GLG1: variants seen among roughly 807,000 people sequenced by gnomAD.
The protein encoded by GLG1 is golgi glycoprotein 1.
A neutral mutation model predicts 160.5 loss-of-function variants in GLG1; 38 were observed. The observed-to-expected ratio is 0.24, with a 90% CI of 0.18 to 0.31. GLG1 has a LOEUF of 0.31. GLG1 is among the 10% of genes least tolerant of loss of function. GLG1 has a pLI of 1.00. For synonymous variants in GLG1, 644 were observed against 543.4 expected (o/e 1.19, Z -2.57); for missense variants, 1,373 against 1,505.2 (o/e 0.91, Z 1.45).
At chr16:74,599,583 G>A (rs1006527153) in intron 1 of GLG1, among the ~76,000 whole-genome samples, 6 of 152,272 alleles carry the variant, frequency 3.9e-5, no homozygotes, top group Non-Finnish European at 1.5e-5. Context: ...GCCAAGCCTC[G>A]GCCGGACACA....
chr16:74,458,850 A>C (rs2014665865), intron 23 of GLG1, among the ~76,000 whole-genome samples: 1 of 152,236 alleles, frequency 6.6e-6, no homozygotes, highest in South Asian at 2.1e-4. Context: ...GAATATCAAC[A>C]TGATGGAACT....
intron 1 of GLG1, among the ~76,000 whole-genome samples, chr16:74,582,676 G>A (rs916911504): frequency 7.2e-5 from 11 of 151,832 alleles, no homozygotes; most frequent in East Asian, 2.0e-4. Flanking sequence ...AAAATTAGCC[G>A]GGCGTGGTGG....
At position 74,581,623 on chromosome 16, in the gene GLG1, TC is replaced by T. The variant is rs564508444; in HGVS notation, c.438+25033del. 1.9e-4 allele frequency among the ~76,000 whole-genome samples: 28 copies of T among 149,776 alleles called. No individual in the cohort carries two copies. In the South Asian group the frequency reaches 5.9e-3, roughly 32 times the overall value. ...TGAGACTATCTAAAAGGGAGGACAC[TC>T]CTGTTAACAAAGATCTTTCAAGATT... On this transcript the variant is annotated intron_variant, in intron 1 of 25. Coordinates refer to ENST00000422840, the MANE Select transcript of GLG1 (RefSeq NM_001145667.2).
intron 25 of GLG1, among the ~76,000 whole-genome samples, chr16:74,455,641 C>T (rs2014507970): frequency 6.6e-6 from 1 of 152,144 alleles, no homozygotes; most frequent in Admixed American, 6.6e-5. Context: ...TTACCCTTGA[C>T]TTGGAAGTAA....
At position 74,523,571 on chromosome 16, in the gene GLG1, C is replaced by A. The variant is rs185981215; in HGVS notation, c.471+8550G>T. Reference sequence around the variant, plus strand: ...CAAGTCTTCCAACTCATGAGCACAACTGCTCATTTATTTATTTAAAGGCCT... The same window carrying A: ...CAAGTCTTCCAACTCATGAGCACAAATGCTCATTTATTTATTTAAAGGCCT... On this transcript the variant is annotated intron_variant, in intron 2 of 25. Coordinates refer to ENST00000422840, the MANE Select transcript of GLG1 (RefSeq NM_001145667.2). Among the ~76,000 whole-genome samples, 8 of 152,228 alleles carry A rather than the reference C, an allele frequency of 5.3e-5. No homozygotes were observed. The East Asian group carries it at 1.5e-3, about 29-fold the overall frequency.
At chr16:74,508,728 A>G (rs997414094) in intron 3 of GLG1, 111 bp downstream of exon 3, 38 of 614,412 alleles carry the variant, frequency 6.2e-5, no homozygotes, top group Non-Finnish European at 1.0e-4. Flanking sequence ...ACCAAGACAG[A>G]TGTGAATTCT....
intron 1 of GLG1, among the ~76,000 whole-genome samples, chr16:74,554,309 G>A (rs1267679104): frequency 2.0e-5 from 3 of 152,172 alleles, no homozygotes; most frequent in Admixed American, 6.5e-5. Flanking sequence ...CGAGGCGGAC[G>A]GATCACTTGA....
At position 74,471,269 on chromosome 16, in the gene GLG1, C is replaced by G. The variant is rs1316720757; in HGVS notation, c.2133G>C (p.Gln711His). The G allele has an allele frequency of 1.3e-6, 2 of 1,590,930 alleles. No homozygotes were observed. The highest frequency in any genetic ancestry group is 1.1e-5 in the South Asian group (1 of 90,558). ...ACTCCATCAGGTCCCCAGAGTCTATCTGGTTATCTGCCACATCCTGGGGAA... is the reference window on the plus strand; with the variant it reads ...ACTCCATCAGGTCCCCAGAGTCTATGTGGTTATCTGCCACATCCTGGGGAA... ...QNFCHDVADN[Q>H]IDSGDLMECL... The change falls in exon 15 of 26, where the codon CAG becomes CAC. Residue 711 changes from glutamine (Q) to histidine (H), a missense_variant. This residue lies in a region of GLG1 where 491 missense variants were observed against 632.1 expected (regional missense o/e 0.78). Coordinates refer to ENST00000422840, the MANE Select transcript of GLG1 (RefSeq NM_001145667.2).
At chr16:74,567,295 A>C (rs1013733620) in intron 1 of GLG1, among the ~76,000 whole-genome samples, 12 of 152,064 alleles carry the variant, frequency 7.9e-5, no homozygotes, top group African/African-American at 2.7e-4. Context: ...GTTAAGTTCA[A>C]TTACCAATGT....
intron 2 of GLG1, among the ~76,000 whole-genome samples, chr16:74,530,992 T>G (rs2017514012): frequency 6.6e-6 from 1 of 152,258 alleles, no homozygotes; most frequent in Non-Finnish European, 1.5e-5. Flanking sequence ...GTCCTTTTCA[T>G]CTGCATTGTG....
intron 2 of GLG1, among the ~76,000 whole-genome samples, chr16:74,527,962 G>A (rs1326026135): frequency 6.8e-6 from 1 of 147,024 alleles, no homozygotes; most frequent in South Asian, 2.2e-4. Flanking sequence ...TCGGCTCACT[G>A]CCAGCTCCAC....
chr16:74,510,813 T>C (rs1264352154), intron 2 of GLG1, among the ~76,000 whole-genome samples: 1 of 152,010 alleles, frequency 6.6e-6, no homozygotes, highest in Non-Finnish European at 1.5e-5. Context: ...GCAGGGAGTA[T>C]GATCAAGTAA....
At chr16:74,560,207 C>G (rs1392641024) in intron 1 of GLG1, among the ~76,000 whole-genome samples, 1 of 152,080 alleles carries the variant, frequency 6.6e-6, no homozygotes, top group African/African-American at 2.4e-5. Context: ...TGGGTGGGTC[C>G]CATTCCATCA....
At chr16:74,460,000 C>A (rs890973736) in intron 22 of GLG1, among the ~76,000 whole-genome samples, 6 of 149,424 alleles carry the variant, frequency 4.0e-5, no homozygotes, top group African/African-American at 1.5e-4. Flanking sequence ...GGACTACAGG[C>A]GCGTGCTACC....
chr16:74,453,807 T>C (rs184307388), intron 25 of GLG1, among the ~76,000 whole-genome samples: 32 of 152,368 alleles, frequency 2.1e-4, no homozygotes, highest in African/African-American at 5.8e-4. Flanking sequence ...TAAATGCGTT[T>C]GCTGCCTTTC....
At position 74,494,298 on chromosome 16, in the gene GLG1, T is replaced by C. The variant is rs933192861; in HGVS notation, c.1050+462A>G. ...TCATTTTCTTGGTTTCAGCCAAATA[T>C]GCTTAAAACCCAAGTACCTCACCTC... On this transcript the variant is annotated intron_variant, in intron 6 of 25. Transcript: ENST00000422840. Among the ~76,000 whole-genome samples the C allele has an allele frequency of 2.0e-5, 3 of 152,026 alleles. No homozygotes were observed. In the East Asian group the frequency reaches 5.8e-4, roughly 29 times the overall value.
chr16:74,506,602 A>C (rs866045266), intron 3 of GLG1, among the ~76,000 whole-genome samples: 1,714 of 149,370 alleles, frequency 0.011, 37 homozygotes, highest in African/African-American at 0.04. Context: ...AAAAAAAAAA[A>C]AACTCAAGAG....
At chr16:74,457,414 TACAA>T (rs1460733772) in intron 24 of GLG1, among the ~76,000 whole-genome samples, 2 of 151,974 alleles carry the variant, frequency 1.3e-5, no homozygotes, top group African/African-American at 2.4e-5. Flanking sequence ...TAAATAAAAA[TACAA>T]ACAAACAACT....
At chr16:74,537,378 A>G (rs1485531689) in intron 1 of GLG1, among the ~76,000 whole-genome samples, 4 of 152,058 alleles carry the variant, frequency 2.6e-5, no homozygotes, top group African/African-American at 9.7e-5. Flanking sequence ...AAAAAACCTC[A>G]CAAAAAACAG....
Sources: gnomAD v4.1 joint callset for allele counts (sites outside exome capture counted in the v4.1 genomes callset) on GRCh38, gnomAD v4.1.1 for gene constraint, gnomAD v4.1.1 regional missense constraint, MANE v1.5 for transcripts, NCBI Gene and HGNC (gene_info 2026-07-23, HGNC 2026-07-21) for gene names.